Variants in HPN observed in about 807,000 individuals in gnomAD.
HPN encodes serine protease hepsin.
A neutral mutation model predicts 55.9 loss-of-function variants in HPN; 13 were observed. That is an observed-to-expected ratio of 0.23 (90% CI 0.15 to 0.37). The LOEUF (loss-of-function observed/expected upper bound fraction) is 0.37, where lower values mean the gene tolerates loss of function less well. Ranked by LOEUF, HPN falls within the 10% of genes least tolerant of loss-of-function variation. The pLI, the probability that HPN is intolerant of heterozygous loss-of-function variation, is 1.00. For synonymous variants in HPN, 225 were observed against 240.3 expected (o/e 0.94, Z 0.59); for missense variants, 451 against 575.8 (o/e 0.78, Z 2.22).
At position 35,065,926 on chromosome 19, in the gene HPN, G is replaced by A. The variant is rs2064603994; in HGVS notation, c.1109G>A (p.Arg370Gln). 1 of 1,613,984 alleles carries A rather than the reference G, an allele frequency of 6.2e-7. No individual in the cohort carries two copies. Among genetic ancestry groups the A allele is most frequent in the Admixed American group, 1.7e-5 (1 of 60,010 alleles). ...AGCATCTCTCGGACGCCACGTTGGC[G>A]GCTGTGTGGCATTGTGAGTTGGGGC... is the stretch of plus-strand genomic sequence containing the variant. ...EDSISRTPRW[R>Q]LCGIVSWGTG... Residue 370 changes from arginine to glutamine, a missense_variant, in exon 12 of 13, where the codon CGG (arginine) becomes CAG (glutamine). By Grantham distance (43) the Arg-to-Gln change is conservative (BLOSUM62 1). Around this residue, in one of 2 missense-constraint regions of HPN, gnomAD observed 73 missense variants for 130.3 expected, o/e 0.56. Transcript: ENST00000672452.
intron 2 of HPN, among the ~76,000 whole-genome samples, chr19:35,045,194 G>A (rs1299935258): frequency 1.3e-5 from 2 of 152,152 alleles, no homozygotes; most frequent in Non-Finnish European, 2.9e-5. Flanking sequence ...GGGAAACTGA[G>A]TCCACAGAGG....
chr19:35,041,379 G>T (rs887612710), upstream of HPN, among the ~76,000 whole-genome samples: 15 of 152,196 alleles, frequency 9.9e-5, no homozygotes, highest in African/African-American at 3.6e-4. Context: ...GCTGGAGGAC[G>T]CAGAAAGGGC....
chr19:35,047,453 C>T (rs2064353061), intron 2 of HPN, among the ~76,000 whole-genome samples: 1 of 152,212 alleles, frequency 6.6e-6, no homozygotes, highest in South Asian at 2.1e-4. Flanking sequence ...TGCAGAAGCC[C>T]ACCTGCTGCC....
At chr19:35,041,228 C>T (rs2064290114), upstream of HPN, among the ~76,000 whole-genome samples, 1 of 152,082 alleles carries the variant, frequency 6.6e-6, no homozygotes, top group Admixed American at 6.5e-5. Flanking sequence ...AGCCCCGTGA[C>T]TTGTAGGAAG....
intron 9 of HPN, among the ~76,000 whole-genome samples, chr19:35,062,094 AAAGGAAGG>A (rs1299326044): frequency 6.6e-6 from 1 of 152,088 alleles, no homozygotes; most frequent in African/African-American, 2.4e-5. Context: ...GAAAGAAAAG[AAAGGAAGG>A]AAGGAAGAAA....
chr19:35,044,048 G>T (rs1052710453), intron 2 of HPN, among the ~76,000 whole-genome samples: 7 of 152,214 alleles, frequency 4.6e-5, no homozygotes, highest in African/African-American at 1.7e-4. Flanking sequence ...ACCCGGGTTT[G>T]GTGGCTGCCG....
intron 4 of HPN, among the ~76,000 whole-genome samples, chr19:35,056,795 C>T (rs1296188300): frequency 6.6e-6 from 1 of 152,190 alleles, no homozygotes; most frequent in African/African-American, 2.4e-5. Context: ...TTAACGCTTG[C>T]TGAGTGAATG....
intron 7 of HPN, 24 bp downstream of exon 7, chr19:35,060,193 C>T (rs762834057): frequency 3.7e-6 from 6 of 1,613,780 alleles, no homozygotes; most frequent in East Asian, 2.2e-5. Context: ...ACTCAGAACC[C>T]TCTCCTTTAG....
intron 2 of HPN, among the ~76,000 whole-genome samples, chr19:35,048,053 AAAG>A (rs1157157581): frequency 2.6e-4 from 14 of 53,028 alleles, no homozygotes; most frequent in South Asian, 1.8e-3. Flanking sequence ...AGAAAGAAAG[AAAG>A]AAAGAAAGAA....
At chr19:35,044,760 A>C (rs904676979) in intron 2 of HPN, among the ~76,000 whole-genome samples, 9 of 152,088 alleles carry the variant, frequency 5.9e-5, no homozygotes, top group Admixed American at 1.3e-4. Flanking sequence ...GGGGGGTACT[A>C]GGGAGTCACA....
chr19:35,060,253 A>G, intron 7 of HPN, 84 bp downstream of exon 7: 3 of 1,607,082 alleles, frequency 1.9e-6, no homozygotes, highest in Non-Finnish European at 2.5e-6. Flanking sequence ...GGGGCCATGT[A>G]CTTTCAGACC....
intron 2 of HPN, among the ~76,000 whole-genome samples, chr19:35,045,295 G>A (rs2151753147): frequency 1.3e-5 from 2 of 152,194 alleles, no homozygotes; most frequent in South Asian, 4.1e-4. Context: ...GTAGAGGGTG[G>A]GTGAAGACAG....
chr19:35,063,614 C>G (rs1329444088), intron 9 of HPN, among the ~76,000 whole-genome samples: 1 of 152,178 alleles, frequency 6.6e-6, no homozygotes, highest in African/African-American at 2.4e-5. Context: ...GAGGCAGAGG[C>G]AGGAGAATCA....
At chr19:35,058,051 GC>G (rs200281843) in intron 4 of HPN, among the ~76,000 whole-genome samples, 7,793 of 151,942 alleles carry the variant, frequency 0.051, 692 homozygotes, top group African/African-American at 0.18. Context: ...CACTCGGGAG[GC>G]TGAGGCAGAA....
chr19:35,056,876 T>TA (rs1029926865), intron 4 of HPN, among the ~76,000 whole-genome samples: 1 of 151,992 alleles, frequency 6.6e-6, no homozygotes, highest in Non-Finnish European at 1.5e-5. Flanking sequence ...AAGTCCTGCA[T>TA]AAAAGAGCAT....
intron 4 of HPN, among the ~76,000 whole-genome samples, chr19:35,053,625 A>G (rs2151760004): frequency 6.6e-6 from 1 of 152,350 alleles, no homozygotes; most frequent in East Asian, 1.9e-4. Flanking sequence ...GGTGCCTGTA[A>G]TCCCAGCTAT....
intron 9 of HPN, among the ~76,000 whole-genome samples, chr19:35,062,965 G>A (rs984175975): frequency 3.9e-5 from 6 of 152,168 alleles, no homozygotes; most frequent in Non-Finnish European, 5.9e-5. Context: ...TTGAGTATTC[G>A]AGTATAGCGA....
Position 35,041,849 on chromosome 19 carries a change from C to T in HPN, c.-78C>T, listed in dbSNP as rs771261075. ...CGACCCCGGCACTACCTCGAGGCTC[C>T]GCCCCCACCTGCTGGACCCCAGGGT... On this transcript the variant is annotated 5_prime_UTR_variant, in exon 1 of 13. Coordinates refer to ENST00000672452, the MANE Select transcript of HPN (RefSeq NM_001384133.1). The T allele has an allele frequency of 3.7e-5, 50 of 1,342,610 alleles. No homozygotes were observed. The highest frequency in any genetic ancestry group is 1.9e-4 in the East Asian group (4 of 21,140). 83.2% of individuals were successfully genotyped at this position (1,342,610 alleles called of 1,614,324 possible).
At chr19:35,043,981 G>A (rs956423942) in intron 2 of HPN, among the ~76,000 whole-genome samples, 24 of 152,236 alleles carry the variant, frequency 1.6e-4, no homozygotes, top group Non-Finnish European at 3.2e-4. Flanking sequence ...GGGGTGTGGA[G>A]GTCGAACCTG....
Sources: gnomAD v4.1 joint callset for allele counts (sites outside exome capture counted in the v4.1 genomes callset) on GRCh38, gnomAD v4.1.1 for gene constraint, gnomAD v4.1.1 regional missense constraint, MANE v1.5 for transcripts, NCBI Gene and HGNC (gene_info 2026-07-23, HGNC 2026-07-21) for gene names.